The following GALNTL6 variants were observed in gnomAD, a reference collection of about 807,000 sequenced individuals.
GALNTL6 encodes polypeptide N-acetylgalactosaminyltransferase-like 6.
Under a neutral mutation model 73.7 loss-of-function variants are expected in GALNTL6, and 46 were observed. The observed-to-expected ratio is 0.62, with a 90% CI of 0.49 to 0.80. The LOEUF is 0.80. Ranked by LOEUF, GALNTL6 falls within the 30% of genes least tolerant of loss-of-function variation. The pLI is 0.00. For synonymous variants in GALNTL6, 259 were observed against 263.7 expected (o/e 0.98, Z 0.17); for missense variants, 604 against 755.0 (o/e 0.80, Z 2.34).
intron 9 of GALNTL6, among the ~76,000 whole-genome samples, chr4:172,946,184 A>G (rs992456434): frequency 6.6e-6 from 1 of 152,002 alleles, no homozygotes; most frequent in Non-Finnish European, 1.5e-5. Context: ...ACAATCCACC[A>G]TAATACAATA....
chr4:172,937,400 G>A (rs1748677336), intron 9 of GALNTL6, among the ~76,000 whole-genome samples: 1 of 152,084 alleles, frequency 6.6e-6, no homozygotes, highest in Non-Finnish European at 1.5e-5. Flanking sequence ...AATAGTATCA[G>A]TACAAAAACA....
chr4:172,334,896 A>G lies in GALNTL6; in HGVS notation c.387-13627A>G, dbSNP rs550291209. Reference sequence around the variant, plus strand: ...TATTATTTTGAGGTAAGTTTTTTCAATGCCTAGTTTGTTGAAGGTTTTTAT... The same window carrying G: ...TATTATTTTGAGGTAAGTTTTTTCAGTGCCTAGTTTGTTGAAGGTTTTTAT... On this transcript the variant is annotated intron_variant, in intron 4 of 12. Coordinates refer to ENST00000506823, the MANE Select transcript of GALNTL6 (RefSeq NM_001034845.3). Among the ~76,000 whole-genome samples, 5 of 151,856 alleles carry G rather than the reference A, an allele frequency of 3.3e-5. No individual in the cohort carries two copies. The East Asian group carries it at 5.8e-4, about 18-fold the overall frequency.
intron 2 of GALNTL6, among the ~76,000 whole-genome samples, chr4:171,842,795 C>G (rs1735271885): frequency 6.6e-6 from 1 of 152,134 alleles, no homozygotes; most frequent in African/African-American, 2.4e-5. Context: ...ACCTCCAACA[C>G]TGGAAATCAC....
At chr4:172,440,152 A>G (rs1279047247) in intron 5 of GALNTL6, among the ~76,000 whole-genome samples, 1 of 152,094 alleles carries the variant, frequency 6.6e-6, no homozygotes, top group Non-Finnish European at 1.5e-5. Context: ...ATTTGCCCAA[A>G]GGAGTAGAAA....
intron 5 of GALNTL6, among the ~76,000 whole-genome samples, chr4:172,605,232 T>C (rs781000329): frequency 5.3e-5 from 8 of 152,200 alleles, no homozygotes; most frequent in Non-Finnish European, 1.2e-4. Context: ...TAAAGTGTGC[T>C]GCTAAAATAT....
At chr4:172,182,599 G>A (rs1392223674) in intron 2 of GALNTL6, among the ~76,000 whole-genome samples, 1 of 146,812 alleles carries the variant, frequency 6.8e-6, no homozygotes, top group African/African-American at 2.5e-5. Flanking sequence ...TGCATAGACA[G>A]GATATTCCAC....
At chr4:172,036,777 C>A (rs561673618) in intron 2 of GALNTL6, among the ~76,000 whole-genome samples, 39 of 152,066 alleles carry the variant, frequency 2.6e-4, no homozygotes, top group Non-Finnish European at 1.2e-4. Flanking sequence ...CGTTTCTACC[C>A]TAGGGTTGTT....
At chr4:172,296,990 G>C (rs927521151) in intron 3 of GALNTL6, among the ~76,000 whole-genome samples, 3 of 152,174 alleles carry the variant, frequency 2.0e-5, no homozygotes, top group African/African-American at 7.2e-5. Context: ...CAGCGTAAAA[G>C]TGTTCCTGTT....
intron 10 of GALNTL6, among the ~76,000 whole-genome samples, chr4:172,981,327 G>A (rs1032533926): frequency 6.6e-6 from 1 of 152,174 alleles, no homozygotes; most frequent in African/African-American, 2.4e-5. Flanking sequence ...AACAGTGCAC[G>A]AGGGTTCCAA....
intron 2 of GALNTL6, among the ~76,000 whole-genome samples, chr4:172,209,720 C>T (rs942682389): frequency 6.6e-6 from 1 of 151,926 alleles, no homozygotes; most frequent in African/African-American, 2.4e-5. Context: ...TTTATTTACT[C>T]ACAGGTTTAA....
chr4:172,103,949 C>CTT lies in GALNTL6; in HGVS notation c.139-125695_139-125694dup, dbSNP rs369503993. ...TTTTGTTTTTTTCTTTTCTTTTTCT[C>CTT]TTTTTTTTTTTTTGAGACCAGTCTC... On this transcript the variant is annotated intron_variant, in intron 2 of 12. Transcript: ENST00000506823. Among the ~76,000 whole-genome samples, 408 of 141,470 alleles carry CTT rather than the reference C, an allele frequency of 2.9e-3. 1 individual carries two copies. The highest frequency in any genetic ancestry group is 6.3e-3 in the African/African-American group (239 of 37,724). 92.8% of individuals were successfully genotyped at this position (141,470 alleles called of 152,430 possible).
chr4:172,750,606 G>T (rs1737368303), intron 5 of GALNTL6, among the ~76,000 whole-genome samples: 2 of 152,078 alleles, frequency 1.3e-5, no homozygotes, highest in South Asian at 4.1e-4. Flanking sequence ...TTGCAAATCT[G>T]CAACTCCTCC....
In GALNTL6 at chr4:172,905,461, A is replaced by G. The variant is rs189970960; in HGVS notation, c.1041+22554A>G. On this transcript the variant is annotated intron_variant, in intron 8 of 12. Transcript: ENST00000506823. ...AGTGGCTACTCAATAAGAAATGAAC[A>G]TGCATAAGAGAGACTAATCATTGAG... Among the ~76,000 whole-genome samples, 4 of 152,282 alleles carry G rather than the reference A, an allele frequency of 2.6e-5. No individual in the cohort carries two copies. The East Asian group carries it at 7.7e-4, about 29-fold the overall frequency.
At chr4:172,769,293 T>C (rs999646850) in intron 5 of GALNTL6, among the ~76,000 whole-genome samples, 3 of 152,084 alleles carry the variant, frequency 2.0e-5, no homozygotes, top group Non-Finnish European at 2.9e-5. Flanking sequence ...ATTTTAAAGA[T>C]ATTTTAGGAA....
At chr4:172,677,090 C>T (rs1732344979) in intron 5 of GALNTL6, among the ~76,000 whole-genome samples, 1 of 152,050 alleles carries the variant, frequency 6.6e-6, no homozygotes, top group African/African-American at 2.4e-5. Flanking sequence ...AATCAGGTGT[C>T]CTACTACTGA....
intron 2 of GALNTL6, among the ~76,000 whole-genome samples, chr4:172,089,630 T>C (rs984778281): frequency 2.6e-4 from 40 of 152,154 alleles, no homozygotes; most frequent in Non-Finnish European, 5.7e-4. Flanking sequence ...AGCAAATGAA[T>C]CAGGCTAGAA....
chr4:172,540,996 C>T (rs1296172711), intron 5 of GALNTL6, among the ~76,000 whole-genome samples: 1 of 152,150 alleles, frequency 6.6e-6, no homozygotes, highest in East Asian at 1.9e-4. Context: ...AGATTCTCAA[C>T]AGATGCAAAT....
At chr4:172,623,087 G>A (rs984993689) in intron 5 of GALNTL6, among the ~76,000 whole-genome samples, 2 of 152,100 alleles carry the variant, frequency 1.3e-5, no homozygotes, top group Non-Finnish European at 1.5e-5. Context: ...AATAAGAAGT[G>A]TGGGTGGCAG....
rs78275378 is a variant in GALNTL6 at position 171,958,372 on chromosome 4, A to G, written c.138+143654A>G. Among the ~76,000 whole-genome samples the G allele has an allele frequency of 2.6e-3, 401 of 152,296 alleles. 2 individuals are homozygous for G. Among genetic ancestry groups the G allele is most frequent in the Admixed American group, 0.012 (191 of 15,284 alleles). On this transcript the variant is annotated intron_variant, in intron 2 of 12. Coordinates refer to ENST00000506823, the MANE Select transcript of GALNTL6 (RefSeq NM_001034845.3). ...AAACTATGGAAGATATCACATGAAAACTAAGCTAATGCTTTCAGGGTGGAC... is the reference window on the plus strand; with the variant it reads ...AAACTATGGAAGATATCACATGAAAGCTAAGCTAATGCTTTCAGGGTGGAC...
Sources: gnomAD v4.1 joint callset for allele counts (sites outside exome capture counted in the v4.1 genomes callset) on GRCh38, gnomAD v4.1.1 for gene constraint, MANE v1.5 for transcripts, NCBI Gene and HGNC (gene_info 2026-07-23, HGNC 2026-07-21) for gene names.